Variants in HPSE2 observed in about 807,000 individuals in gnomAD.
HPSE2 encodes heparanase 2 (inactive).
HPSE2 carries 38 observed loss-of-function variants against 60.5 expected under a neutral mutation model. The ratio of observed to expected loss-of-function variants is 0.63; its 90% confidence interval spans 0.48 to 0.82. The LOEUF (loss-of-function observed/expected upper bound fraction) is 0.82, where lower values mean the gene tolerates loss of function less well. HPSE2 is among the 40% of genes least tolerant of loss of function. The probability of loss-of-function intolerance (pLI) is 0.00; values close to 1 mark genes in which losing one functional copy is unlikely to be tolerated. For synonymous variants in HPSE2, 295 were observed against 293.2 expected, an observed-to-expected ratio of 1.01 and a Z score of -0.06; for missense variants, 713 against 740.4, an observed-to-expected ratio of 0.96 and a Z score of 0.43.
At chr10:99,076,110 T>G (rs939942208) in intron 3 of HPSE2, among the ~76,000 whole-genome samples, 2 of 152,104 alleles carry the variant, frequency 1.3e-5, no homozygotes, top group Non-Finnish European at 2.9e-5. Flanking sequence ...GTCTTGTAAT[T>G]CTTTTGTCCC....
At position 99,126,244 on chromosome 10, in the gene HPSE2, T is replaced by C. The variant is rs1232377501; in HGVS notation, c.610+17994A>G. 6.6e-6 allele frequency among the ~76,000 whole-genome samples: 1 copy of C among 152,116 alleles called. No individual in the cohort carries two copies. Among genetic ancestry groups the C allele is most frequent in the African/African-American group, 2.4e-5 (1 of 41,428 alleles). On this transcript the variant is annotated intron_variant, in intron 3 of 11. Transcript: ENST00000370552. This position sits in a 1 kb window ranked among gnomAD's most constrained non-coding sequence, Gnocchi z 4.0. ...CAGCAGAGGCAGCCATAATCCCCTC[T>C]GGAATATAACCCCATTGGCCTGAGA...
intron 11 of HPSE2, chr10:98,461,893 A>G: frequency 3.7e-6 from 4 of 1,073,098 alleles, no homozygotes; most frequent in Non-Finnish European, 5.6e-6. Flanking sequence ...TTGTCCTGGA[A>G]CAGGCCCTAT....
At chr10:98,958,947 C>T (rs2135223619) in intron 3 of HPSE2, among the ~76,000 whole-genome samples, 1 of 152,168 alleles carries the variant, frequency 6.6e-6, no homozygotes, top group East Asian at 1.9e-4. Context: ...GTGACCCTGG[C>T]TAGTTCCATA....
At chr10:99,040,098 A>C (rs1193447954) in intron 3 of HPSE2, among the ~76,000 whole-genome samples, 1 of 152,182 alleles carries the variant, frequency 6.6e-6, no homozygotes, top group Non-Finnish European at 1.5e-5. Context: ...TCATAGGTAC[A>C]GTTTTCTTTT....
chr10:98,617,068 A>G (rs1032863010), intron 8 of HPSE2, among the ~76,000 whole-genome samples: 6 of 152,192 alleles, frequency 3.9e-5, no homozygotes, highest in African/African-American at 1.4e-4. Flanking sequence ...GTCTTATTCA[A>G]CTTTCCATCC....
chr10:98,654,472 A>C (rs1947004649), intron 6 of HPSE2, among the ~76,000 whole-genome samples: 1 of 152,178 alleles, frequency 6.6e-6, no homozygotes, highest in Non-Finnish European at 1.5e-5. Flanking sequence ...CCTATCCTCA[A>C]GCTCACCAAT....
chr10:99,290,242 G>A, the HPSE2 span, among the ~76,000 whole-genome samples: 7 of 152,082 alleles, frequency 4.6e-5, no homozygotes, highest in Non-Finnish European at 7.4e-5. Context: ...AGATATAATG[G>A]AGAAGTGAAA....
intron 3 of HPSE2, among the ~76,000 whole-genome samples, chr10:98,869,028 C>T (rs926004730): frequency 2.6e-5 from 4 of 151,566 alleles, no homozygotes; most frequent in East Asian, 1.9e-4. Flanking sequence ...GTGTGTGGTG[C>T]GTATGTGTGC....
At chr10:98,927,238 C>T (rs2135092549) in intron 3 of HPSE2, among the ~76,000 whole-genome samples, 1 of 152,184 alleles carries the variant, frequency 6.6e-6, no homozygotes, top group East Asian at 1.9e-4. Context: ...GTGTGGGAGT[C>T]TAAGCCTCTT....
chr10:98,744,211 T>C, intron 3 of HPSE2, 155 bp from the exon 4 acceptor site: 1 of 764,256 alleles, frequency 1.3e-6, no homozygotes, highest in Non-Finnish European at 2.2e-6. Context: ...TTGGTCTGGG[T>C]ACATTTCAAG....
At chr10:99,080,652 C>T (rs1439457796) in intron 3 of HPSE2, among the ~76,000 whole-genome samples, 1 of 152,176 alleles carries the variant, frequency 6.6e-6, no homozygotes, top group Non-Finnish European at 1.5e-5. Flanking sequence ...TACAAGTGCT[C>T]TTTGAGATTT....
chr10:99,187,102 A>G (rs973659526), intron 2 of HPSE2, among the ~76,000 whole-genome samples: 1 of 152,148 alleles, frequency 6.6e-6, no homozygotes, highest in African/African-American at 2.4e-5. Context: ...TTGAATATAA[A>G]AGAAAATTGA....
chr10:98,654,135 A>AT (rs376409998), intron 6 of HPSE2, among the ~76,000 whole-genome samples: 28 of 151,278 alleles, frequency 1.9e-4, no homozygotes, highest in African/African-American at 6.8e-4. Flanking sequence ...GTTTTTCAAG[A>AT]TTTTCTCTTT....
intron 9 of HPSE2, among the ~76,000 whole-genome samples, chr10:98,569,689 TAA>T (rs1249169667): frequency 1.3e-5 from 2 of 152,168 alleles, no homozygotes; most frequent in Non-Finnish European, 2.9e-5. Context: ...AAATCTGTGC[TAA>T]GTTATTCCTA....
chr10:98,971,936 C>A (rs901497530), intron 3 of HPSE2, among the ~76,000 whole-genome samples: 2 of 152,052 alleles, frequency 1.3e-5, no homozygotes, highest in Admixed American at 1.3e-4. Context: ...ACTCCCCAGG[C>A]CCCTACATTT....
chr10:99,071,472 G>A (rs539922552), intron 3 of HPSE2, among the ~76,000 whole-genome samples: 12 of 152,174 alleles, frequency 7.9e-5, no homozygotes, highest in South Asian at 2.1e-4. Context: ...ACACATTCTC[G>A]CCAGAATTTG....
intron 3 of HPSE2, among the ~76,000 whole-genome samples, chr10:98,948,612 A>AT (rs1162599307): frequency 6.6e-6 from 1 of 152,178 alleles, no homozygotes; most frequent in Non-Finnish European, 1.5e-5. Flanking sequence ...GTATAAAAAC[A>AT]TTTTTAGAGT....
intron 3 of HPSE2, among the ~76,000 whole-genome samples, chr10:99,073,282 A>G (rs561891481): frequency 6.6e-6 from 1 of 152,330 alleles, no homozygotes; most frequent in Admixed American, 6.5e-5. Flanking sequence ...ACACAATGGA[A>G]TACTATGCAG....
At chr10:99,217,015 T>A (rs1485330994) in intron 2 of HPSE2, among the ~76,000 whole-genome samples, 3 of 152,198 alleles carry the variant, frequency 2.0e-5, no homozygotes, top group Admixed American at 2.0e-4. Flanking sequence ...ACAGTTTATT[T>A]AAACCCTAGG....
Sources: gnomAD v4.1 joint callset for allele counts (sites outside exome capture counted in the v4.1 genomes callset) on GRCh38, gnomAD v4.1.1 for gene constraint, Gnocchi (gnomAD v3.1) non-coding constraint, MANE v1.5 for transcripts, NCBI Gene and HGNC (gene_info 2026-07-23, HGNC 2026-07-21) for gene names.